LRRC7: variants seen among roughly 807,000 people sequenced by gnomAD.
LRRC7 encodes leucine rich repeat containing 7, also known as leucine-rich repeat-containing protein 7.
A neutral mutation model predicts 175.7 loss-of-function variants in LRRC7; 23 were observed. The ratio of observed to expected loss-of-function variants is 0.13; its 90% CI spans 0.09 to 0.19. The LOEUF is 0.19. Among genes scored for constraint, LRRC7 ranks in the 10% least tolerant of loss-of-function variants. LRRC7 has a pLI of 1.00. For synonymous variants in LRRC7, 685 were observed against 680.9 expected (o/e 1.01, Z -0.09); for missense variants, 1,354 against 1,904.7 (o/e 0.71, Z 5.38).
intron 1 of LRRC7, among the ~76,000 whole-genome samples, chr1:69,585,608 A>G (rs1462915321): frequency 1.3e-5 from 2 of 152,220 alleles, no homozygotes; most frequent in African/African-American, 4.8e-5. Context: ...AATTCCCATC[A>G]TATGTATAAG....
chr1:69,642,267 A>T (rs1204029040), intron 1 of LRRC7, among the ~76,000 whole-genome samples: 1 of 152,020 alleles, frequency 6.6e-6, no homozygotes, highest in Non-Finnish European at 1.5e-5. Flanking sequence ...TTTACATTTT[A>T]AATTAAATCA....
chr1:69,856,495 A>G (rs570041856), intron 7 of LRRC7, among the ~76,000 whole-genome samples: 2 of 152,280 alleles, frequency 1.3e-5, no homozygotes, highest in Non-Finnish European at 2.9e-5. Context: ...CTCTACACAA[A>G]TAGACTGGAA....
At chr1:70,113,679 A>G (rs902114613) in intron 26 of LRRC7, among the ~76,000 whole-genome samples, 3 of 152,156 alleles carry the variant, frequency 2.0e-5, no homozygotes, top group Non-Finnish European at 4.4e-5. Flanking sequence ...AAAGTTTTGT[A>G]CTTTCAGTAT....
chr1:69,873,483 G>A (rs1416952181), intron 7 of LRRC7: 1 of 533,152 alleles, frequency 1.9e-6, no homozygotes, highest in South Asian at 1.4e-5. Flanking sequence ...AAGATCCAGA[G>A]TGTGCCCCTT....
intron 2 of LRRC7, among the ~76,000 whole-genome samples, chr1:69,722,933 T>A (rs1194236254): frequency 1.3e-5 from 2 of 152,110 alleles, no homozygotes; most frequent in Admixed American, 1.3e-4. Flanking sequence ...TTCTTTCAAA[T>A]GCATTGCAAA....
intron 7 of LRRC7, among the ~76,000 whole-genome samples, chr1:69,909,008 C>T (rs1646424077): frequency 6.6e-6 from 1 of 151,516 alleles, no homozygotes; most frequent in African/African-American, 2.4e-5. Flanking sequence ...TGAATTGATC[C>T]CTTTACCATT....
chr1:69,793,849 C>G (rs1253447828), intron 4 of LRRC7, among the ~76,000 whole-genome samples: 1 of 151,958 alleles, frequency 6.6e-6, no homozygotes, highest in Non-Finnish European at 1.5e-5. Context: ...ATGATTGTTC[C>G]AAAACATGGA....
intron 2 of LRRC7, among the ~76,000 whole-genome samples, chr1:69,700,578 G>C (rs1032874487): frequency 1.3e-5 from 2 of 152,106 alleles, no homozygotes; most frequent in African/African-American, 4.8e-5. Flanking sequence ...TGTGAGGCTG[G>C]CTTCGCTATT....
intron 8 of LRRC7, among the ~76,000 whole-genome samples, chr1:69,940,224 G>A (rs1262934047): frequency 1.3e-5 from 2 of 152,036 alleles, no homozygotes; most frequent in African/African-American, 2.4e-5. Flanking sequence ...TTGACCTATG[G>A]CTTTAATAAG....
intron 24 of LRRC7, among the ~76,000 whole-genome samples, chr1:70,086,876 C>A (rs1571286565): frequency 1.3e-5 from 2 of 152,280 alleles, no homozygotes; most frequent in African/African-American, 4.8e-5. Flanking sequence ...CAGACTGCTT[C>A]CTGGATGTAA....
intron 2 of LRRC7, among the ~76,000 whole-genome samples, chr1:69,699,565 G>A (rs936020133): frequency 6.6e-6 from 1 of 152,082 alleles, no homozygotes; most frequent in Non-Finnish European, 1.5e-5. Context: ...TCCCTTCAGT[G>A]GCAGAACTTC....
intron 1 of LRRC7, among the ~76,000 whole-genome samples, chr1:69,674,010 A>C (rs1659454748): frequency 6.6e-6 from 1 of 152,070 alleles, no homozygotes; most frequent in African/African-American, 2.4e-5. Context: ...TTTTACATCT[A>C]TAACACATAA....
At position 70,127,246 on chromosome 1, in the gene LRRC7, C is replaced by G. The variant is rs1666488821; in HGVS notation, c.*5359C>G. 6.6e-6 allele frequency among the ~76,000 whole-genome samples: 1 copy of G among 152,168 alleles called. No homozygotes were observed. Among genetic ancestry groups the G allele is most frequent in the Admixed American group, 6.5e-5 (1 of 15,278 alleles). ...GTTGAGGAACTTTCTCTAAGCCTCT[C>G]AGCTTCTTACTGAGACAGGTTCCAA... On this transcript the variant is annotated 3_prime_UTR_variant, in exon 27 of 27. Coordinates refer to ENST00000651989, the MANE Select transcript of LRRC7 (RefSeq NM_001370785.2).
chr1:69,869,247 CAG>C (rs1054710004), intron 7 of LRRC7, among the ~76,000 whole-genome samples: 5 of 151,854 alleles, frequency 3.3e-5, no homozygotes, highest in African/African-American at 1.2e-4. Flanking sequence ...ACTTTGTTAA[CAG>C]AGATGGAGAG....
In LRRC7 at chr1:69,940,356, G is replaced by A. The variant is rs149162665; in HGVS notation, c.711+8786G>A. 8.5e-3 allele frequency among the ~76,000 whole-genome samples: 1,287 copies of A among 152,040 alleles called. 23 individuals carry two copies. Among genetic ancestry groups the A allele is most frequent in the African/African-American group, 0.029 (1,213 of 41,482 alleles). Reference sequence around the variant, plus strand: ...TTTCCAAGGAAGCAGCTTTTCCCTCGTTGCCGTTTCTCATTAACAAAATAT... The same window carrying A: ...TTTCCAAGGAAGCAGCTTTTCCCTCATTGCCGTTTCTCATTAACAAAATAT... On this transcript the variant is annotated intron_variant, in intron 8 of 26. Coordinates refer to ENST00000651989, the MANE Select transcript of LRRC7 (RefSeq NM_001370785.2).
intron 1 of LRRC7, among the ~76,000 whole-genome samples, chr1:69,659,054 G>A (rs1245890714): frequency 3.3e-5 from 5 of 151,954 alleles, no homozygotes; most frequent in African/African-American, 1.2e-4. Context: ...GCAAACTTTG[G>A]TAGAAGAATG....
chr1:69,569,245 T>A (rs1645632157), intron 1 of LRRC7, among the ~76,000 whole-genome samples: 1 of 151,830 alleles, frequency 6.6e-6, no homozygotes, highest in Non-Finnish European at 1.5e-5. Context: ...CGAAGGAACA[T>A]GAAAGACTGG....
At chr1:70,061,199 A>G (rs973090671) in intron 23 of LRRC7, among the ~76,000 whole-genome samples, 1 of 152,088 alleles carries the variant, frequency 6.6e-6, no homozygotes, top group Non-Finnish European at 1.5e-5. Flanking sequence ...CACTGATCAG[A>G]GTTAATGTTG....
At chr1:69,720,184 T>C (rs997348933) in intron 2 of LRRC7, among the ~76,000 whole-genome samples, 7 of 151,716 alleles carry the variant, frequency 4.6e-5, no homozygotes, top group Non-Finnish European at 1.0e-4. Context: ...TATATTTTTT[T>C]CTCTCCTTTA....
Sources: allele counts gnomAD v4.1 joint callset (sites outside exome capture counted in the v4.1 genomes callset), GRCh38; gene constraint gnomAD v4.1.1; transcripts MANE v1.5; gene names NCBI Gene and HGNC (gene_info 2026-07-23, HGNC 2026-07-21).